The following SMC5 variants were observed in gnomAD, a reference collection of about 807,000 sequenced individuals.
SMC5 encodes the protein structural maintenance of chromosomes protein 5.
A neutral mutation model predicts 148.3 loss-of-function variants in SMC5; 88 were observed. That is an observed-to-expected ratio of 0.59 (90% CI 0.50 to 0.71). The LOEUF (loss-of-function observed/expected upper bound fraction) is 0.71. Ranked by LOEUF, SMC5 falls within the 30% of genes least tolerant of loss-of-function variation. The pLI, the probability that SMC5 is intolerant of heterozygous loss-of-function variation, is 0.00. For missense variants in SMC5, 1,142 were observed against 1,298.9 expected (o/e 0.88, Z 1.86); for synonymous variants, 421 against 432.8 (o/e 0.97, Z 0.34).
rs553478107 is a variant in SMC5 at position 70,353,588 on chromosome 9, TG to T, written c.*1258del. 600 of 152,302 alleles carry T rather than the reference TG, an allele frequency of 3.9e-3. 3 individuals carry two copies. The highest frequency in any genetic ancestry group is 0.013 in the African/African-American group (555 of 41,570). 9.4% of individuals were successfully genotyped at this position (152,302 alleles called of 1,614,324 possible). On this transcript the variant is annotated 3_prime_UTR_variant, in exon 25 of 25. Transcript: ENST00000361138. ...GAAGAATTGCTTTCAGTTTGGGTTT[TG>T]TATATTCTTAAGTAGCCATTGAAAT...
At chr9:70,306,531 G>T (rs1242672849) in intron 11 of SMC5, among the ~76,000 whole-genome samples, 1 of 152,216 alleles carries the variant, frequency 6.6e-6, no homozygotes, top group Non-Finnish European at 1.5e-5. Context: ...TTGATCTGAT[G>T]AAAGAGCTCA....
intron 24 of SMC5, among the ~76,000 whole-genome samples, chr9:70,351,353 CAAA>C (rs771025321): frequency 1.7e-5 from 2 of 120,592 alleles, no homozygotes; most frequent in Non-Finnish European, 1.8e-5. Flanking sequence ...GACCTTGTTC[CAAA>C]AAAAAAAAAA....
chr9:70,318,991 A>G, intron 15 of SMC5, 28 bp downstream of exon 15: 1 of 1,573,640 alleles, frequency 6.4e-7, no homozygotes, highest in Non-Finnish European at 8.6e-7. Context: ...CAGGGGGGAG[A>G]GCACAAATTA....
At chr9:70,321,570 T>A (rs2035948694) in intron 15 of SMC5, among the ~76,000 whole-genome samples, 1 of 151,832 alleles carries the variant, frequency 6.6e-6, no homozygotes, top group African/African-American at 2.4e-5. Context: ...TTTGTAGAGA[T>A]GGGGTCTTGC....
In SMC5 at chr9:70,325,249, T is replaced by G. The variant is rs139901333; in HGVS notation, c.2397+1106T>G. On this transcript the variant is annotated intron_variant, in intron 17 of 24. Coordinates refer to ENST00000361138, the MANE Select transcript of SMC5 (RefSeq NM_015110.4). ...TAAGGGGCTCACGAGTAATACAGAC[T>G]TTCCTATTGCTCAATTCCAAGAACT... Among the ~76,000 whole-genome samples, 598 of 152,318 alleles carry G rather than the reference T, an allele frequency of 3.9e-3. 3 individuals are homozygous for G. Among genetic ancestry groups the G allele is most frequent in the African/African-American group, 0.013 (554 of 41,574 alleles).
At chr9:70,321,586 T>G (rs2035949213) in intron 15 of SMC5, among the ~76,000 whole-genome samples, 1 of 151,782 alleles carries the variant, frequency 6.6e-6, no homozygotes, top group Non-Finnish European at 1.5e-5. Flanking sequence ...CTTGCTATGT[T>G]GCTGGGGCTG....
chr9:70,275,682 T>A (rs2034572278), intron 3 of SMC5, among the ~76,000 whole-genome samples: 1 of 152,194 alleles, frequency 6.6e-6, no homozygotes, highest in Non-Finnish European at 1.5e-5. Flanking sequence ...ATTCTCTTTT[T>A]CTGAAGATGC....
chr9:70,286,711 T>G (rs1297171585), intron 8 of SMC5: 1 of 151,262 alleles, frequency 6.6e-6, no homozygotes, highest in African/African-American at 2.5e-5. Flanking sequence ...CTATGGAACT[T>G]TTCGTCTTTT....
chr9:70,290,475 A>T (rs544542862), intron 8 of SMC5, among the ~76,000 whole-genome samples: 72 of 152,352 alleles, frequency 4.7e-4, no homozygotes, highest in African/African-American at 1.7e-3. Flanking sequence ...GACTAAATAT[A>T]TATGTTTATA....
chr9:70,351,462 G>A (rs942103199), intron 24 of SMC5, among the ~76,000 whole-genome samples: 4 of 151,800 alleles, frequency 2.6e-5, no homozygotes, highest in African/African-American at 7.3e-5. Context: ...AGTCACATCT[G>A]TTAATACCCT....
chr9:70,294,180 C>T (rs1212866214), intron 8 of SMC5, among the ~76,000 whole-genome samples: 5 of 152,072 alleles, frequency 3.3e-5, no homozygotes, highest in Non-Finnish European at 7.4e-5. Context: ...GAGGCAAGGT[C>T]ATTAGCTGAG....
chr9:70,278,513 A>C lies in SMC5; in HGVS notation c.566A>C (p.Lys189Thr). ...TAGGACAAAGTTGGAGAATTTGCTAAACTCAGCAAAATTGAACTCCTCGAA... is the reference window on the plus strand; with the variant it reads ...TAGGACAAAGTTGGAGAATTTGCTACACTCAGCAAAATTGAACTCCTCGAA... The part of the protein sequence containing the change: ...LPQDKVGEFA[K>T]LSKIELLEAT... Residue 189 changes from lysine (K) to threonine (T), a missense_variant, in exon 5 of 25, where the codon AAA becomes ACA. This residue lies in a region of SMC5 where 297 missense variants were observed against 302.6 expected (regional missense o/e 0.98). Coordinates refer to ENST00000361138, the MANE Select transcript of SMC5 (RefSeq NM_015110.4). 1.2e-6 allele frequency: 2 copies of C among 1,608,126 alleles called. No homozygotes were observed. The highest frequency in any genetic ancestry group is 1.7e-6 in the Non-Finnish European group (2 of 1,178,520).
At chr9:70,277,065 T>A (rs533376064) in intron 3 of SMC5, among the ~76,000 whole-genome samples, 40 of 152,164 alleles carry the variant, frequency 2.6e-4, no homozygotes, top group Non-Finnish European at 4.3e-4. Context: ...GTGTTCACAT[T>A]TGCTTTAATT....
chr9:70,315,430 A>G lies in SMC5; in HGVS notation c.1674-16A>G, dbSNP rs768896531. ...TATTTTAAGAAGAAAAATCTAATCA[A>G]TACTTTTCCTTTCAGACAATACGGA... is the stretch of plus-strand genomic sequence containing the variant. On this transcript the variant is annotated splice_polypyrimidine_tract_variant and intron_variant, in intron 12 of 24. Coordinates refer to ENST00000361138, the MANE Select transcript of SMC5 (RefSeq NM_015110.4). 23 of 1,537,454 alleles carry G rather than the reference A, an allele frequency of 1.5e-5. No homozygotes were observed. The African/African-American group carries it at 1.8e-4, about 12-fold the overall frequency.
chr9:70,271,575 G>A (rs1477885459), intron 3 of SMC5, among the ~76,000 whole-genome samples: 1 of 152,132 alleles, frequency 6.6e-6, no homozygotes, highest in Non-Finnish European at 1.5e-5. Context: ...TTATAGTTAG[G>A]GGCATAAGGA....
At chr9:70,278,653 T>G (rs779329912) in intron 5 of SMC5, 28 bp downstream of exon 5, 1 of 1,573,420 alleles carries the variant, frequency 6.4e-7, no homozygotes, top group South Asian at 1.2e-5. Flanking sequence ...CTCATTTGTA[T>G]TGTTTCTTAT....
At chr9:70,346,742 T>A in intron 19 of SMC5, 93 bp downstream of exon 19, 1 of 1,295,894 alleles carries the variant, frequency 7.7e-7, no homozygotes, top group Non-Finnish European at 1.1e-6. Flanking sequence ...AGATGAATTC[T>A]AGGCCTTTGA....
intron 17 of SMC5, among the ~76,000 whole-genome samples, chr9:70,334,713 G>T (rs2036314805): frequency 6.6e-6 from 1 of 151,980 alleles, no homozygotes; most frequent in African/African-American, 2.4e-5. Context: ...AAAGTTTGCT[G>T]ACCCCTGATG....
chr9:70,346,506 C>A, intron 18 of SMC5, 99 bp from the exon 19 acceptor site: 1 of 1,152,504 alleles, frequency 8.7e-7, no homozygotes, highest in Non-Finnish European at 1.3e-6. Context: ...ATTAGATTCT[C>A]AGGATGCTTT....
Sources: gnomAD v4.1 joint callset for allele counts (sites outside exome capture counted in the v4.1 genomes callset) on GRCh38, gnomAD v4.1.1 for gene constraint, gnomAD v4.1.1 regional missense constraint, MANE v1.5 for transcripts, NCBI Gene and HGNC (gene_info 2026-07-23, HGNC 2026-07-21) for gene names.